Variants in SRD5A2 observed in about 807,000 individuals in gnomAD.
SRD5A2 encodes the protein 3-oxo-5-alpha-steroid 4-dehydrogenase 2.
SRD5A2 carries 30 observed loss-of-function variants against 27.4 expected under a neutral mutation model. That is an observed-to-expected ratio of 1.10 (90% CI 0.82 to 1.49). SRD5A2 has a LOEUF of 1.49. Ranked by LOEUF, SRD5A2 falls within the 40% of genes most tolerant of loss-of-function variation. The pLI is 0.00. For synonymous variants in SRD5A2, 141 were observed against 133.6 expected, an observed-to-expected ratio of 1.06 and a Z score of -0.38; for missense variants, 348 against 323.4, an observed-to-expected ratio of 1.08 and a Z score of -0.58.
rs1183854141 is a variant in SRD5A2, at chr2:31,524,332, T to C, written c.*1864A>G. 4.4e-6 allele frequency: 1 copy of C among 227,910 alleles called. No individual in the cohort carries two copies. The highest frequency in any genetic ancestry group is 5.7e-5 in the Admixed American group (1 of 17,564). 14.1% of individuals were successfully genotyped at this position (227,910 alleles called of 1,614,324 possible). A position where few individuals can be genotyped will look rare whatever the true frequency, so the allele number is the denominator to read the frequency against. ...GCACCAGGAGTGGCATCTAACCTCA[T>C]GACGTTTTCCTGCACCTTTATTGTA... On this transcript the variant is annotated 3_prime_UTR_variant, in exon 5 of 5. Transcript: ENST00000622030.
the SRD5A2 span, among the ~76,000 whole-genome samples, chr2:31,654,083 T>TA: frequency 0.051 from 6,862 of 135,068 alleles, 226 homozygotes; most frequent in African/African-American, 0.1. Context: ...TAAAGAAAGT[T>TA]AAAAAAAAAA....
chr2:31,536,852 G>C (rs916214570), intron 1 of SRD5A2, among the ~76,000 whole-genome samples: 5 of 152,082 alleles, frequency 3.3e-5, no homozygotes, highest in Non-Finnish European at 7.4e-5. Context: ...TCCCTGGTTT[G>C]GGACCACATC....
Position 31,526,116 on chromosome 2 carries a change from A to G in SRD5A2, c.*80T>C, listed in dbSNP as rs1031644637. 5 of 845,350 alleles carry G rather than the reference A, an allele frequency of 5.9e-6. No homozygotes were observed. The Admixed American group carries it at 6.6e-5, about 11-fold the overall frequency. The allele number at this position is 845,350 out of a possible 1,614,324, so 52.4% of individuals were successfully genotyped here. A position where few individuals can be genotyped will look rare whatever the true frequency, so the allele number is the denominator to read the frequency against. ...TATTACATATATACGGGACTATTAT[A>G]TCATGAAAATTACAGTTTCAGCAGC... On this transcript the variant is annotated 3_prime_UTR_variant, in exon 5 of 5. Transcript: ENST00000622030.
chr2:31,633,054 T>C, the SRD5A2 span, among the ~76,000 whole-genome samples: 5 of 151,832 alleles, frequency 3.3e-5, no homozygotes, highest in Admixed American at 6.6e-5. Context: ...AAGGAAAGAA[T>C]AGAAGGGAAC....
rs1347048092 is a variant in SRD5A2, at chr2:31,525,298, A to G, written c.*898T>C. On this transcript the variant is annotated 3_prime_UTR_variant, in exon 5 of 5. Coordinates refer to ENST00000622030, the MANE Select transcript of SRD5A2 (RefSeq NM_000348.4). ...GTGGAGGCAAGCAGCATGTAACCTC[A>G]TCATTAATTCTCTTTGTTTTACACT... The G allele has an allele frequency of 1.3e-5, 3 of 224,544 alleles. No homozygotes were observed. Among genetic ancestry groups the G allele is most frequent in the Non-Finnish European group, 2.7e-5 (3 of 112,578 alleles). The allele number at this position is 224,544 out of a possible 1,614,324, so 13.9% of individuals were successfully genotyped here.
chr2:31,531,237 G>A (rs1302976262), intron 3 of SRD5A2, 134 bp downstream of exon 3: 1 of 622,762 alleles, frequency 1.6e-6, no homozygotes, highest in East Asian at 2.8e-5. Flanking sequence ...GGGTTTGCAG[G>A]GGAAGTCAAG....
At chr2:31,541,436 C>G (rs926726149) in intron 1 of SRD5A2, among the ~76,000 whole-genome samples, 1 of 151,584 alleles carries the variant, frequency 6.6e-6, no homozygotes, top group African/African-American at 2.4e-5. Flanking sequence ...TGAAAAAGAC[C>G]TAACAGCAGA....
the SRD5A2 span, among the ~76,000 whole-genome samples, chr2:31,657,768 G>A: frequency 6.6e-6 from 1 of 152,064 alleles, no homozygotes; most frequent in Non-Finnish European, 1.5e-5. Flanking sequence ...AGGCTTTCAG[G>A]AAAAATAAAG....
the SRD5A2 span, among the ~76,000 whole-genome samples, chr2:31,646,258 A>G: frequency 6.6e-6 from 1 of 152,116 alleles, no homozygotes; most frequent in South Asian, 2.1e-4. Flanking sequence ...TACATTAAAA[A>G]ATCGCCTTCA....
intron 3 of SRD5A2, 139 bp from the exon 4 acceptor site, chr2:31,529,596 T>G: frequency 1.7e-6 from 2 of 1,199,966 alleles, no homozygotes; most frequent in Non-Finnish European, 2.3e-6. Flanking sequence ...CATAGGAGTT[T>G]GGTGGAATCC....
At chr2:31,597,772 G>C in the SRD5A2 span, among the ~76,000 whole-genome samples, 1 of 152,156 alleles carries the variant, frequency 6.6e-6, no homozygotes, top group Non-Finnish European at 1.5e-5. Context: ...ACTCCAGCAA[G>C]ATTGGCCATA....
At chr2:31,601,774 G>C in the SRD5A2 span, among the ~76,000 whole-genome samples, 9 of 151,978 alleles carry the variant, frequency 5.9e-5, no homozygotes, top group Non-Finnish European at 1.3e-4. Context: ...ATCAATCAAT[G>C]TGATTCATCA....
the SRD5A2 span, among the ~76,000 whole-genome samples, chr2:31,636,106 T>C: frequency 7.2e-5 from 11 of 152,098 alleles, no homozygotes; most frequent in Non-Finnish European, 1.5e-5. Context: ...ACAGATTGCA[T>C]TGAATCTGTG....
At chr2:31,618,435 C>A in the SRD5A2 span, among the ~76,000 whole-genome samples, 15 of 152,104 alleles carry the variant, frequency 9.9e-5, no homozygotes, top group African/African-American at 3.1e-4. Flanking sequence ...AAGATTCCAC[C>A]AACACATGAA....
the SRD5A2 span, among the ~76,000 whole-genome samples, chr2:31,592,534 T>C: frequency 6.6e-6 from 1 of 152,188 alleles, no homozygotes; most frequent in Non-Finnish European, 1.5e-5. Flanking sequence ...GGACTCTTTG[T>C]AGACATTTTT....
chr2:31,534,050 T>C (rs758316192), intron 1 of SRD5A2, among the ~76,000 whole-genome samples: 17 of 152,282 alleles, frequency 1.1e-4, no homozygotes, highest in African/African-American at 3.1e-4. Flanking sequence ...GGAATTATCA[T>C]GACAGAACAA....
At chr2:31,630,913 T>C in the SRD5A2 span, among the ~76,000 whole-genome samples, 51 of 152,216 alleles carry the variant, frequency 3.4e-4, no homozygotes, top group African/African-American at 1.1e-3. Context: ...TCTCAGGTGA[T>C]TGAGTAAAAA....
intron 1 of SRD5A2, chr2:31,563,244 T>C (rs919984152): frequency 7.9e-5 from 12 of 152,008 alleles, no homozygotes; most frequent in African/African-American, 1.4e-4. Flanking sequence ...TGAGTACAAG[T>C]AGAGGTCACT....
chr2:31,607,477 A>C, the SRD5A2 span, among the ~76,000 whole-genome samples: 47 of 152,086 alleles, frequency 3.1e-4, no homozygotes, highest in African/African-American at 8.4e-4. Context: ...ATAGATGAGA[A>C]GAAAGTGGAA....
Sources: gnomAD v4.1 joint callset for allele counts (sites outside exome capture counted in the v4.1 genomes callset) on GRCh38, gnomAD v4.1.1 for gene constraint, MANE v1.5 for transcripts, NCBI Gene and HGNC (gene_info 2026-07-23, HGNC 2026-07-21) for gene names.